NRCAM: variants seen among roughly 807,000 people sequenced by gnomAD.
NRCAM encodes the protein neuronal cell adhesion molecule, also known as NgCAM-related cell adhesion molecule.
In NRCAM, 83 loss-of-function variants were observed where a neutral mutation model predicts 156.5. That is an observed-to-expected ratio of 0.53 (90% CI 0.44 to 0.64). NRCAM has a LOEUF of 0.64. Among genes scored for constraint, NRCAM ranks in the 30% least tolerant of loss-of-function variants. NRCAM has a pLI of 0.00. For synonymous variants in NRCAM, 538 were observed against 563.9 expected, an observed-to-expected ratio of 0.95 and a Z score of 0.65; for missense variants, 1,417 against 1,597.3, an observed-to-expected ratio of 0.89 and a Z score of 1.92.
At chr7:108,365,261 G>A (rs912353668) in intron 2 of NRCAM, among the ~76,000 whole-genome samples, 1 of 152,088 alleles carries the variant, frequency 6.6e-6, no homozygotes, top group African/African-American at 2.4e-5. Context: ...TTAAACCCAA[G>A]CTGACTTATT....
Position 108,209,593 on chromosome 7 carries a change from A to G in NRCAM, c.903T>C (p.Ile301=). ...TTCCATCTTCCTTTGCCCAGTAAAT[A>G]ATTGGGGTAGGCCTGATAGGATAAA... ...ECIAEGLPTP[I]IYWAKEDGML... The change falls in exon 12 of 33, where the codon ATT becomes ATC. Residue 301 remains isoleucine (I), a synonymous_variant. Transcript: ENST00000379028. 1 of 1,608,012 alleles carries G rather than the reference A, an allele frequency of 6.2e-7. No homozygotes were observed. The highest frequency in any genetic ancestry group is 8.5e-7 in the Non-Finnish European group (1 of 1,177,808).
At chr7:108,184,872 T>C (rs2065742096) in intron 20 of NRCAM, among the ~76,000 whole-genome samples, 1 of 152,158 alleles carries the variant, frequency 6.6e-6, no homozygotes, top group Non-Finnish European at 1.5e-5. Flanking sequence ...AAAAAAAATT[T>C]GACCACCTTT....
At chr7:108,343,987 A>G (rs578262787) in intron 2 of NRCAM, among the ~76,000 whole-genome samples, 15 of 152,288 alleles carry the variant, frequency 9.8e-5, no homozygotes, top group African/African-American at 3.6e-4. Context: ...AAGATCTACC[A>G]TGGACCCCTG....
intron 30 of NRCAM, among the ~76,000 whole-genome samples, chr7:108,161,732 G>A (rs958090998): frequency 1.3e-5 from 2 of 151,924 alleles, no homozygotes; most frequent in African/African-American, 4.8e-5. Context: ...TCCATACAAA[G>A]TTTAGGGAGA....
chr7:108,148,726 G>A lies in NRCAM; in HGVS notation c.*1184C>T, dbSNP rs2039915817. Reference sequence around the variant, plus strand: ...CTTGGAGAATAATATATTACTGTTGGCATGCTGTTGTATGCTTTTAGTGTT... The same window carrying A: ...CTTGGAGAATAATATATTACTGTTGACATGCTGTTGTATGCTTTTAGTGTT... On this transcript the variant is annotated 3_prime_UTR_variant, in exon 33 of 33. Transcript: ENST00000379028. 6.6e-6 allele frequency: 1 copy of A among 152,482 alleles called. No homozygotes were observed. The highest frequency in any genetic ancestry group is 2.1e-4 in the South Asian group (1 of 4,818). The allele number at this position is 152,482 out of a possible 1,614,324, so 9.4% of individuals were successfully genotyped here. A position where few individuals can be genotyped will look rare whatever the true frequency, so the allele number is the denominator to read the frequency against.
At chr7:108,202,753 T>A (rs537950721) in intron 13 of NRCAM, among the ~76,000 whole-genome samples, 1 of 152,326 alleles carries the variant, frequency 6.6e-6, no homozygotes, top group African/African-American at 2.4e-5. Flanking sequence ...CATCTTTCAT[T>A]GTGAGAAAAA....
intron 2 of NRCAM, among the ~76,000 whole-genome samples, chr7:108,338,566 C>G (rs914900665): frequency 6.9e-6 from 1 of 145,324 alleles, no homozygotes; most frequent in African/African-American, 2.5e-5. Flanking sequence ...GAGAGAGAGA[C>G]AGAGTGAGAC....
chr7:108,300,836 C>T (rs1044888278), intron 3 of NRCAM, among the ~76,000 whole-genome samples: 6 of 151,952 alleles, frequency 3.9e-5, no homozygotes, highest in Admixed American at 1.3e-4. Flanking sequence ...AAATATCATA[C>T]TCAATACAAC....
intron 2 of NRCAM, among the ~76,000 whole-genome samples, chr7:108,335,810 CA>C (rs1399135152): frequency 1.3e-5 from 2 of 152,154 alleles, no homozygotes; most frequent in African/African-American, 4.8e-5. Context: ...ACAGATCCAT[CA>C]CTCTATTAAC....
intron 20 of NRCAM, among the ~76,000 whole-genome samples, chr7:108,185,141 A>G (rs1317609466): frequency 6.6e-6 from 1 of 152,158 alleles, no homozygotes; most frequent in East Asian, 1.9e-4. Flanking sequence ...TTCGTTGACT[A>G]TGACACAAGG....
chr7:108,198,021 A>C lies in NRCAM; in HGVS notation c.1286T>G (p.Val429Gly). 1 of 1,598,770 alleles carries C rather than the reference A, an allele frequency of 6.3e-7. No homozygotes were observed. Among genetic ancestry groups the C allele is most frequent in the Non-Finnish European group, 8.5e-7 (1 of 1,172,140 alleles). Residue 429 changes from valine to glycine, a missense_variant, in exon 14 of 33, where the codon GTC (valine) becomes GGC (glycine). Val to Gly is a moderately radical substitution (Grantham distance 109). Transcript: ENST00000379028. The stretch of plus-strand genomic sequence containing the variant: ...TTCATTAGAGGCATTGCACTGATAG[A>C]CTGCACTTGATCTTTCTTGAACATT... ...FSNVQERSSA[V>G]YQCNASNEYG...
intron 2 of NRCAM, among the ~76,000 whole-genome samples, chr7:108,371,108 G>A (rs1407441085): frequency 6.6e-6 from 1 of 152,034 alleles, no homozygotes; most frequent in African/African-American, 2.4e-5. Context: ...CTAGACCAAG[G>A]ATAACTCAGA....
intron 3 of NRCAM, among the ~76,000 whole-genome samples, chr7:108,262,906 A>AT (rs1391990700): frequency 2.0e-5 from 3 of 152,172 alleles, no homozygotes; most frequent in Non-Finnish European, 4.4e-5. Context: ...CATTAGAAGC[A>AT]TAACTACAGA....
chr7:108,382,837 T>A (rs1253511702), intron 2 of NRCAM, among the ~76,000 whole-genome samples: 1 of 152,156 alleles, frequency 6.6e-6, no homozygotes, highest in Admixed American at 6.5e-5. Context: ...TTACCCACTA[T>A]CAATTTCTAG....
intron 3 of NRCAM, among the ~76,000 whole-genome samples, chr7:108,255,564 T>C (rs571931314): frequency 0.023 from 3,484 of 152,178 alleles, 131 homozygotes; most frequent in African/African-American, 0.08. Flanking sequence ...AGTGCCGAGA[T>C]TGCAGCCTCT....
At chr7:108,211,377 A>G (rs1245383189) in intron 11 of NRCAM, among the ~76,000 whole-genome samples, 1 of 151,702 alleles carries the variant, frequency 6.6e-6, no homozygotes, top group East Asian at 1.9e-4. Context: ...CAGACGAGAA[A>G]CCTCCTGGCC....
chr7:108,156,793 A>G (rs754898917), intron 32 of NRCAM, among the ~76,000 whole-genome samples: 24 of 152,174 alleles, frequency 1.6e-4, no homozygotes, highest in Admixed American at 4.6e-4. Context: ...AACTTCCAGA[A>G]AGTGCAAAAC....
At chr7:108,156,083 ACT>A (rs755845474) in intron 32 of NRCAM, among the ~76,000 whole-genome samples, 1 of 151,750 alleles carries the variant, frequency 6.6e-6, no homozygotes, top group Non-Finnish European at 1.5e-5. Flanking sequence ...TGACCCAAAT[ACT>A]CTTTCCTACC....
Position 108,195,805 on chromosome 7 carries a change from T to C in NRCAM, c.1419A>G (p.Leu473=). Residue 473 remains leucine (L), a synonymous_variant, in exon 15 of 33, where the codon TTA becomes TTG. Coordinates refer to ENST00000379028, the MANE Select transcript of NRCAM (RefSeq NM_001037132.4). The part of the protein sequence containing the change: ...LYQVIANRPA[L]LDCAFFGSPL... ...GAGACCCAAAGAAGGCACAGTCTAG[T>C]AAAGCAGGCCTGTTTGCAATGACCT... The C allele has an allele frequency of 1.2e-6, 2 of 1,613,642 alleles. No individual in the cohort carries two copies. The highest frequency in any genetic ancestry group is 3.3e-5 in the Admixed American group (2 of 59,940).
Sources: gnomAD v4.1 joint callset for allele counts (sites outside exome capture counted in the v4.1 genomes callset) on GRCh38, gnomAD v4.1.1 for gene constraint, MANE v1.5 for transcripts, NCBI Gene and HGNC (gene_info 2026-07-23, HGNC 2026-07-21) for gene names.